The following ADGRV1 variants were observed in gnomAD, a reference collection of about 807,000 sequenced individuals.
ADGRV1 encodes the protein adhesion G protein-coupled receptor V1.
In ADGRV1, 359 loss-of-function variants were observed where a neutral mutation model predicts 596.2. That is an observed-to-expected ratio of 0.60 (90% CI 0.55 to 0.66). ADGRV1 has a LOEUF of 0.66. Among genes scored for constraint, ADGRV1 ranks in the 30% least tolerant of loss-of-function variants. ADGRV1 has a pLI of 0.00. For synonymous variants in ADGRV1, 2,681 were observed against 2,679.2 expected, an observed-to-expected ratio of 1.00 and a Z score of -0.02; for missense variants, 7,274 against 7,575.6, an observed-to-expected ratio of 0.96 and a Z score of 1.48.
intron 83 of ADGRV1, among the ~76,000 whole-genome samples, chr5:90,956,454 C>T (rs1469914886): frequency 6.6e-6 from 1 of 152,118 alleles, no homozygotes; most frequent in South Asian, 2.1e-4. Context: ...AGTGTGCTAT[C>T]TATGTAAAGA....
At chr5:90,794,163 C>T (rs78879431) in intron 70 of ADGRV1, among the ~76,000 whole-genome samples, 1,967 of 152,228 alleles carry the variant, frequency 0.013, 41 homozygotes, top group African/African-American at 0.044. Flanking sequence ...AGAGAAGGAC[C>T]GCAAGGGCCA....
At position 90,653,459 on chromosome 5, in the gene ADGRV1, T is replaced by G. The variant is rs530678993; in HGVS notation, c.3885T>G (p.Gly1295=). The part of the protein sequence containing the change: ...WEILSSEFPA[G]LPPMIDFLLV... ...TACTGTCCAGTGAGTTCCCTGCTGG[T>G]TTGCCACCAATGATAGATTTTTTAC... Residue 1295 remains glycine (G), a synonymous_variant, in exon 20 of 90, where the codon GGT becomes GGG. Coordinates refer to ENST00000405460, the MANE Select transcript of ADGRV1 (RefSeq NM_032119.4). 21 of 1,613,924 alleles carry G rather than the reference T, an allele frequency of 1.3e-5. No homozygotes were observed. The African/African-American group carries it at 2.8e-4, about 22-fold the overall frequency.
chr5:90,896,281 T>C (rs994396268), intron 83 of ADGRV1, among the ~76,000 whole-genome samples: 5 of 141,590 alleles, frequency 3.5e-5, no homozygotes, highest in African/African-American at 1.3e-4. Flanking sequence ...TTTTTTTTTT[T>C]TTTTTTTGAG....
chr5:91,040,468 T>C (rs1785247180), intron 85 of ADGRV1, among the ~76,000 whole-genome samples: 1 of 152,208 alleles, frequency 6.6e-6, no homozygotes, highest in South Asian at 2.1e-4. Flanking sequence ...TAATGGTCTC[T>C]AAAATATTTG....
intron 50 of ADGRV1, among the ~76,000 whole-genome samples, chr5:90,743,143 A>T (rs986541621): frequency 3.9e-5 from 6 of 152,170 alleles, no homozygotes; most frequent in African/African-American, 1.4e-4. Context: ...AGCTCATTTT[A>T]AACTTCAGAG....
rs1195451478 is a variant in ADGRV1 at position 90,686,457 on chromosome 5, A to G, written c.6490+462A>G. Among the ~76,000 whole-genome samples the G allele has an allele frequency of 3.9e-5, 6 of 151,984 alleles. No homozygotes were observed. The South Asian group carries it at 8.3e-4, about 21-fold the overall frequency. ...TCACTTCCCACCTATGAGTGAGAAT[A>G]TGCAGTGTTTGGTTTTTTGTTCTTG... is the stretch of plus-strand genomic sequence containing the variant. On this transcript the variant is annotated intron_variant, in intron 29 of 89. Coordinates refer to ENST00000405460, the MANE Select transcript of ADGRV1 (RefSeq NM_032119.4).
rs372874577 is a variant in ADGRV1 at position 90,759,463 on chromosome 5, G to A, written c.11995G>A (p.Glu3999Lys). The change falls in exon 58 of 90, where the codon GAG (glutamate) becomes AAG (lysine). Residue 3999 changes from glutamate to lysine, a missense_variant. This residue lies in a region of ADGRV1 where 3,643 missense variants were observed against 3,809.2 expected (regional missense o/e 0.96). Coordinates refer to ENST00000405460, the MANE Select transcript of ADGRV1 (RefSeq NM_032119.4). ...IIDDAEFELT[E>K]TFNISLISVA... is the part of the protein sequence containing the mutation. ...TGATGATGCTGAATTTGAATTGACAGAGACGTTCAATATTTCCTTGATCAG... is the reference window on the plus strand; with the variant it reads ...TGATGATGCTGAATTTGAATTGACAAAGACGTTCAATATTTCCTTGATCAG... 6.3e-7 allele frequency: 1 copy of A among 1,599,790 alleles called. No individual in the cohort carries two copies. Among genetic ancestry groups the A allele is most frequent in the Non-Finnish European group, 8.5e-7 (1 of 1,172,098 alleles).
intron 42 of ADGRV1, among the ~76,000 whole-genome samples, chr5:90,714,228 C>T (rs1252086583): frequency 6.7e-6 from 1 of 150,344 alleles, no homozygotes; most frequent in Non-Finnish European, 1.5e-5. Context: ...CATTATTGTG[C>T]ATTTTTTCTT....
chr5:91,064,560 C>T (rs552484288), intron 85 of ADGRV1, among the ~76,000 whole-genome samples: 83 of 152,234 alleles, frequency 5.5e-4, no homozygotes, highest in African/African-American at 1.9e-3. Flanking sequence ...TTCCCCTCTC[C>T]CTCTCTTTGC....
chr5:90,913,390 T>G (rs971225092), intron 83 of ADGRV1, among the ~76,000 whole-genome samples: 1 of 152,200 alleles, frequency 6.6e-6, no homozygotes, highest in Non-Finnish European at 1.5e-5. Flanking sequence ...TATATCAATA[T>G]TTATCATTTT....
intron 29 of ADGRV1, among the ~76,000 whole-genome samples, chr5:90,686,198 T>TTTTTTA (rs987073410): frequency 1.3e-4 from 19 of 151,664 alleles, no homozygotes; most frequent in Non-Finnish European, 1.6e-4. Context: ...ATTTTACAAT[T>TTTTTTA]TTTTTATTTT....
At chr5:91,029,312 T>C (rs959908325) in intron 85 of ADGRV1, among the ~76,000 whole-genome samples, 2 of 152,228 alleles carry the variant, frequency 1.3e-5, no homozygotes, top group African/African-American at 4.8e-5. Flanking sequence ...TGCATAACTT[T>C]AGTTGACTCA....
intron 85 of ADGRV1, among the ~76,000 whole-genome samples, chr5:91,053,557 G>A (rs541851578): frequency 3.7e-4 from 57 of 152,250 alleles, no homozygotes; most frequent in African/African-American, 1.3e-3. Flanking sequence ...ATTTTTGAGC[G>A]TTTCTTTTCT....
At chr5:90,971,296 A>G (rs1297708390) in intron 84 of ADGRV1, among the ~76,000 whole-genome samples, 1 of 152,236 alleles carries the variant, frequency 6.6e-6, no homozygotes, top group African/African-American at 2.4e-5. Context: ...ATCCAGGAGG[A>G]CTTCCCCAAC....
At chr5:90,984,342 G>A (rs1780319170) in intron 84 of ADGRV1, among the ~76,000 whole-genome samples, 1 of 152,072 alleles carries the variant, frequency 6.6e-6, no homozygotes, top group African/African-American at 2.4e-5. Context: ...ATTCAATATT[G>A]TTACTGTACT....
At chr5:90,872,820 C>G (rs996955617) in intron 83 of ADGRV1, among the ~76,000 whole-genome samples, 32 of 152,184 alleles carry the variant, frequency 2.1e-4, no homozygotes, top group African/African-American at 7.2e-4. Flanking sequence ...CTTCCCTCCA[C>G]TTCCTTGGAG....
At chr5:91,157,994 C>T (rs1035515537) in intron 89 of ADGRV1, among the ~76,000 whole-genome samples, 1 of 152,196 alleles carries the variant, frequency 6.6e-6, no homozygotes, top group African/African-American at 2.4e-5. Flanking sequence ...CCACATTGAC[C>T]ACTGACGTTA....
At chr5:90,979,916 A>T (rs1779949457) in intron 84 of ADGRV1, among the ~76,000 whole-genome samples, 1 of 152,232 alleles carries the variant, frequency 6.6e-6, no homozygotes, top group Non-Finnish European at 1.5e-5. Flanking sequence ...ATTTTTAAAA[A>T]ATATATAACA....
rs777309662 is a variant in ADGRV1, at chr5:90,778,558, T to A, written c.12798T>A (p.Tyr4266Ter). Residue 4266 changes from tyrosine (Y) to a stop codon, truncating the protein, a stop_gained, in exon 63 of 90, where the codon TAT becomes TAA. Transcript: ENST00000405460. LOFTEE classifies it high-confidence loss of function. ...CGGTGGTGGCCAGCGACTCTCCCTA[T>A]GGCCGATTTGCCTTTTCACATGAGC... ...NITVVASDSP[Y>*]GRFAFSHEQL... The A allele has an allele frequency of 8.7e-6, 14 of 1,611,232 alleles. 1 individual carries two copies. The South Asian group carries it at 1.5e-4, about 18-fold the overall frequency.
Sources: allele counts gnomAD v4.1 joint callset (sites outside exome capture counted in the v4.1 genomes callset), GRCh38; gene constraint gnomAD v4.1.1; regional missense constraint gnomAD v4.1.1; transcripts MANE v1.5; gene names NCBI Gene and HGNC (gene_info 2026-07-23, HGNC 2026-07-21).